ESRRG: variants seen among roughly 807,000 people sequenced by gnomAD.
The protein encoded by ESRRG is estrogen-related receptor gamma.
A neutral mutation model predicts 44.0 loss-of-function variants in ESRRG; 13 were observed. The ratio of observed to expected loss-of-function variants is 0.30; its 90% CI spans 0.19 to 0.47. The LOEUF is 0.47. Among genes scored for constraint, ESRRG ranks in the 20% least tolerant of loss-of-function variants. ESRRG has a pLI of 1.00. For missense variants in ESRRG, 395 were observed against 580.6 expected (o/e 0.68, Z 3.29); for synonymous variants, 215 against 214.6 (o/e 1.00, Z -0.02).
chr1:216,966,422 C>T (rs959820826), intron 1 of ESRRG, among the ~76,000 whole-genome samples: 1 of 152,152 alleles, frequency 6.6e-6, no homozygotes, highest in Non-Finnish European at 1.5e-5. Context: ...TACTTATCTT[C>T]ACTATTCCCA....
At chr1:217,051,091 T>G (rs1047110017) in intron 1 of ESRRG, among the ~76,000 whole-genome samples, 2 of 151,888 alleles carry the variant, frequency 1.3e-5, no homozygotes, top group Non-Finnish European at 2.9e-5. Flanking sequence ...ACTTTTTTCC[T>G]TCTTATTTCA....
chr1:217,020,775 T>C (rs988698544), intron 1 of ESRRG, among the ~76,000 whole-genome samples: 1 of 152,158 alleles, frequency 6.6e-6, no homozygotes, highest in Non-Finnish European at 1.5e-5. Context: ...GACTCGGTCA[T>C]GGAAAATTAT....
At chr1:216,802,624 G>A (rs900780094) in intron 2 of ESRRG, among the ~76,000 whole-genome samples, 4 of 152,058 alleles carry the variant, frequency 2.6e-5, no homozygotes, top group Non-Finnish European at 5.9e-5. Flanking sequence ...TCTGAGCATG[G>A]GGCCCTGTGT....
At chr1:217,054,523 G>A (rs2086704109) in intron 1 of ESRRG, among the ~76,000 whole-genome samples, 1 of 152,156 alleles carries the variant, frequency 6.6e-6, no homozygotes, top group South Asian at 2.1e-4. Context: ...CTAGATGTTA[G>A]TCTAAGCAAA....
chr1:216,843,038 C>T (rs1214737695), intron 2 of ESRRG, among the ~76,000 whole-genome samples: 2 of 152,104 alleles, frequency 1.3e-5, no homozygotes, highest in Admixed American at 6.6e-5. Flanking sequence ...ACTAAAACTA[C>T]CTTTCTACCT....
chr1:216,836,556 G>C (rs2095567969), intron 2 of ESRRG, among the ~76,000 whole-genome samples: 3 of 152,236 alleles, frequency 2.0e-5, no homozygotes, highest in African/African-American at 7.2e-5. Flanking sequence ...GATGACCGGG[G>C]AAGCGCCAGG....
intron 1 of ESRRG, among the ~76,000 whole-genome samples, chr1:216,718,867 T>C (rs564970050): frequency 6.6e-6 from 1 of 152,154 alleles, no homozygotes; most frequent in Admixed American, 6.5e-5. Flanking sequence ...TCTACTGAGA[T>C]CCCTCAGATC....
chr1:216,748,091 C>T (rs1027839726), intron 2 of ESRRG, among the ~76,000 whole-genome samples: 7 of 152,104 alleles, frequency 4.6e-5, no homozygotes, highest in Admixed American at 3.9e-4. Context: ...TATTGATTTA[C>T]AAATAAAGTT....
chr1:217,007,314 T>C (rs2077884803), intron 1 of ESRRG, among the ~76,000 whole-genome samples: 1 of 152,114 alleles, frequency 6.6e-6, no homozygotes, highest in Admixed American at 6.6e-5. Flanking sequence ...GGTTCCAGGC[T>C]AAAATTTTAA....
chr1:217,060,546 A>G lies in ESRRG; in HGVS notation c.-106+28961T>C, dbSNP rs75279102. ...ATGATGCAAAATAAACCCTTGCTATACAAGTAGTGTCAGGCAGGTGAAGAG... is the reference window on the plus strand; with the variant it reads ...ATGATGCAAAATAAACCCTTGCTATGCAAGTAGTGTCAGGCAGGTGAAGAG... On this transcript the variant is annotated intron_variant, in intron 1 of 7. Transcript: ENST00000359162. 6.6e-4 allele frequency among the ~76,000 whole-genome samples: 101 copies of G among 152,250 alleles called. 3 individuals are homozygous for G. In the East Asian group the frequency reaches 0.017, roughly 26 times the overall value.
intron 5 of ESRRG, among the ~76,000 whole-genome samples, chr1:216,522,065 T>C (rs2046246655): frequency 6.6e-6 from 1 of 151,426 alleles, no homozygotes; most frequent in Non-Finnish European, 1.5e-5. Flanking sequence ...TCTTTGGGGT[T>C]TAATTGAACA....
intron 5 of ESRRG, among the ~76,000 whole-genome samples, chr1:216,526,282 T>C (rs909636191): frequency 6.6e-6 from 1 of 152,114 alleles, no homozygotes. Context: ...TATTTGGAAA[T>C]AGGGTCTTTG....
intron 2 of ESRRG, among the ~76,000 whole-genome samples, chr1:216,653,900 G>T (rs2069667438): frequency 6.6e-6 from 1 of 151,558 alleles, no homozygotes; most frequent in Admixed American, 6.6e-5. Flanking sequence ...AATCACTTGA[G>T]GTCAGGAGTT....
chr1:216,755,905 G>T (rs967873767), intron 2 of ESRRG, among the ~76,000 whole-genome samples: 1 of 151,950 alleles, frequency 6.6e-6, no homozygotes, highest in African/African-American at 2.4e-5. Context: ...TGGATGAGGG[G>T]TCCCTATTAG....
chr1:216,896,335 A>G (rs2058412867), intron 2 of ESRRG, among the ~76,000 whole-genome samples: 2 of 152,174 alleles, frequency 1.3e-5, no homozygotes, highest in Non-Finnish European at 2.9e-5. Flanking sequence ...AAACAAAAAC[A>G]CAAACATAAA....
At chr1:216,524,947 AG>A (rs1346150312) in intron 5 of ESRRG, among the ~76,000 whole-genome samples, 2 of 152,210 alleles carry the variant, frequency 1.3e-5, no homozygotes, top group East Asian at 3.9e-4. Context: ...CTGAATTTAC[AG>A]GTGCAATTGA....
chr1:216,781,543 C>T (rs1014497718), intron 2 of ESRRG, among the ~76,000 whole-genome samples: 1 of 151,994 alleles, frequency 6.6e-6, no homozygotes. Context: ...GCACTCCAAT[C>T]GCTATACCAA....
chr1:216,549,720 C>G (rs533634366), intron 5 of ESRRG, among the ~76,000 whole-genome samples: 2 of 152,120 alleles, frequency 1.3e-5, no homozygotes, highest in Non-Finnish European at 2.9e-5. Flanking sequence ...ATTGCCCACA[C>G]AGAGAAGCTC....
rs1250297668 is a variant in ESRRG, at chr1:216,506,590, G to T, written c.*349C>A. On this transcript the variant is annotated 3_prime_UTR_variant, in exon 7 of 7. Coordinates refer to ENST00000408911, the MANE Select transcript of ESRRG (RefSeq NM_001438.4). ...TGAGAAAAGAGAGGAATGAGAGTAG[G>T]TAAAGAAAAGAAAGAAGGCAGGCAG... is the stretch of plus-strand genomic sequence containing the variant. 2.1e-6 allele frequency: 1 copy of T among 470,770 alleles called. No individual in the cohort carries two copies. Among genetic ancestry groups the T allele is most frequent in the South Asian group, 1.6e-5 (1 of 64,020 alleles). 29.2% of individuals were successfully genotyped at this position (470,770 alleles called of 1,614,324 possible). A position where few individuals can be genotyped will look rare whatever the true frequency, so the allele number is the denominator to read the frequency against.
Sources: allele counts gnomAD v4.1 joint callset (sites outside exome capture counted in the v4.1 genomes callset), GRCh38; gene constraint gnomAD v4.1.1; transcripts MANE v1.5; gene names NCBI Gene and HGNC (gene_info 2026-07-23, HGNC 2026-07-21).